Variants in ARMC1 observed in about 807,000 individuals in gnomAD.
The protein encoded by ARMC1 is armadillo repeat-containing protein 1.
A neutral mutation model predicts 31.4 loss-of-function variants in ARMC1; 16 were observed. The ratio of observed to expected loss-of-function variants is 0.51; its 90% CI spans 0.34 to 0.77. The LOEUF is 0.77. ARMC1 is among the 30% of genes least tolerant of loss of function. The pLI is 0.01. For synonymous variants in ARMC1, 114 were observed against 118.9 expected (o/e 0.96, Z 0.27); for missense variants, 259 against 347.5 (o/e 0.75, Z 2.02).
chr8:65,628,014 T>TAG (rs1236008227), intron 1 of ARMC1, among the ~76,000 whole-genome samples: 1 of 152,206 alleles, frequency 6.6e-6, no homozygotes, highest in African/African-American at 2.4e-5. Context: ...TGAATCTAAA[T>TAG]ACCTCTGTCC....
chr8:65,615,844 G>A (rs934840735), intron 3 of ARMC1, among the ~76,000 whole-genome samples: 1 of 151,934 alleles, frequency 6.6e-6, no homozygotes, highest in Admixed American at 6.6e-5. Flanking sequence ...GCAGTGGGCC[G>A]AGATCATGCC....
Position 65,608,581 on chromosome 8 carries a change from G to T in ARMC1, c.466-3043C>A, listed in dbSNP as rs969390905. ...ACCTAGTCCAAAAAATGTTGACTAA[G>T]CTAAAGTTACATAGGTAGAGTAAAC... On this transcript the variant is annotated intron_variant, in intron 4 of 6. Transcript: ENST00000276569. Among the ~76,000 whole-genome samples, 9 of 152,036 alleles carry T rather than the reference G, an allele frequency of 5.9e-5. 1 individual carries two copies. Among genetic ancestry groups the T allele is most frequent in the South Asian group, 2.1e-4 (1 of 4,812 alleles).
chr8:65,605,001 GATTA>G lies in ARMC1; in HGVS notation c.657+258_657+261del, dbSNP rs1807972168. On this transcript the variant is annotated intron_variant, in intron 6 of 6. Coordinates refer to ENST00000276569, the MANE Select transcript of ARMC1 (RefSeq NM_018120.6). ...ACACCTTTATTTTTTGGATTGTCAG[GATTA>G]GTTAAGATTAGGAAGAAAGTATTTA... 1.3e-5 allele frequency among the ~76,000 whole-genome samples: 2 copies of G among 152,162 alleles called. 1 individual carries two copies. The highest frequency in any genetic ancestry group is 2.9e-5 in the Non-Finnish European group (2 of 68,020).
At chr8:65,612,880 TAAATA>T (rs1396240978) in intron 4 of ARMC1, among the ~76,000 whole-genome samples, 2 of 151,902 alleles carry the variant, frequency 1.3e-5, no homozygotes, top group African/African-American at 2.4e-5. Context: ...TATAAAAAAA[TAAATA>T]AAATAAAATA....
chr8:65,631,908 T>G lies in ARMC1; in HGVS notation c.-36+2090A>C, dbSNP rs569023063. 2.2e-5 allele frequency among the ~76,000 whole-genome samples: 3 copies of G among 135,976 alleles called. No homozygotes were observed. The South Asian group carries it at 7.5e-4, about 34-fold the overall frequency. The allele number at this position is 135,976 out of a possible 152,430, so 89.2% of individuals were successfully genotyped here. On this transcript the variant is annotated intron_variant, in intron 1 of 6. Transcript: ENST00000276569. ...TAAAAAAAAAAAAAAAAAGTCTATC[T>G]TCATAGGTTGGAAAAAATGATTTTA...
intron 1 of ARMC1, among the ~76,000 whole-genome samples, chr8:65,632,591 C>A (rs1808669587): frequency 6.6e-6 from 1 of 152,024 alleles, no homozygotes; most frequent in South Asian, 2.1e-4. Context: ...CCAGCCTGGG[C>A]AACAGAGCGA....
intron 4 of ARMC1, among the ~76,000 whole-genome samples, chr8:65,612,920 G>C (rs1808172798): frequency 1.3e-5 from 2 of 152,034 alleles, no homozygotes; most frequent in South Asian, 4.2e-4. Flanking sequence ...TTGGTTGATA[G>C]CATTATTTGA....
chr8:65,611,290 A>G (rs1274418004), intron 4 of ARMC1, among the ~76,000 whole-genome samples: 1 of 152,054 alleles, frequency 6.6e-6, no homozygotes, highest in African/African-American at 2.4e-5. Flanking sequence ...CTCATTTCTG[A>G]TATTGATAAT....
chr8:65,606,231 T>G (rs1335317002), intron 4 of ARMC1, among the ~76,000 whole-genome samples: 1 of 151,592 alleles, frequency 6.6e-6, no homozygotes, highest in African/African-American at 2.4e-5. Context: ...CATGGTGGCG[T>G]GTGCCTGTAG....
intron 2 of ARMC1, among the ~76,000 whole-genome samples, chr8:65,626,925 G>A (rs1292255128): frequency 6.6e-6 from 1 of 151,862 alleles, no homozygotes; most frequent in South Asian, 2.1e-4. Flanking sequence ...TGAGGTCGGG[G>A]GGATGGTTTA....
intron 3 of ARMC1, among the ~76,000 whole-genome samples, chr8:65,616,448 A>G (rs952791561): frequency 1.1e-4 from 16 of 152,206 alleles, no homozygotes; most frequent in Non-Finnish European, 2.1e-4. Context: ...AATGGTGCCC[A>G]GGCTGGAGTG....
rs566676789 is a variant in ARMC1, at chr8:65,605,672, C to T, written c.466-134G>A. Reference sequence around the variant, plus strand: ...AGTTTTACCATCTTATTTCAGGGCACAGAGTGGGGGAGTGCTTAGTCAAAT... The same window carrying T: ...AGTTTTACCATCTTATTTCAGGGCATAGAGTGGGGGAGTGCTTAGTCAAAT... On this transcript the variant is annotated intron_variant, in intron 4 of 6. Coordinates refer to ENST00000276569, the MANE Select transcript of ARMC1 (RefSeq NM_018120.6). 9 of 675,388 alleles carry T rather than the reference C, an allele frequency of 1.3e-5. No homozygotes were observed. In the African/African-American group the frequency reaches 1.4e-4, roughly 11 times the overall value. The allele number at this position is 675,388 out of a possible 1,614,324, so 41.8% of individuals were successfully genotyped here.
At chr8:65,620,329 T>A (rs1396854159) in intron 3 of ARMC1, among the ~76,000 whole-genome samples, 1 of 141,626 alleles carries the variant, frequency 7.1e-6, no homozygotes, top group Non-Finnish European at 1.5e-5. Context: ...TGAGAGGGAA[T>A]CTCATTCTGT....
intron 3 of ARMC1, among the ~76,000 whole-genome samples, chr8:65,616,326 G>A: frequency 6.6e-6 from 1 of 152,164 alleles, no homozygotes; most frequent in African/African-American, 2.4e-5. Flanking sequence ...GTGGAGAGGG[G>A]GTTTCGCTGT....
intron 2 of ARMC1, among the ~76,000 whole-genome samples, chr8:65,623,786 C>CTTTTTTTTTTTTTTTTTT (rs201008780): frequency 1.2e-4 from 3 of 26,086 alleles, no homozygotes; most frequent in East Asian, 1.1e-3. Flanking sequence ...AAAGTAAAAT[C>CTTTTTTTTTTTTTTTTTT]TTTTTTTTTT....
chr8:65,622,460 G>T, intron 2 of ARMC1, 106 bp from the exon 3 acceptor site: 1 of 830,438 alleles, frequency 1.2e-6, no homozygotes, highest in Non-Finnish European at 1.9e-6. Flanking sequence ...ATAGGTTTTT[G>T]TTTTTAGAAT....
chr8:65,622,427 G>T (rs1165787151), intron 2 of ARMC1, 73 bp from the exon 3 acceptor site: 1 of 1,176,520 alleles, frequency 8.5e-7, no homozygotes, highest in Non-Finnish European at 1.2e-6. Flanking sequence ...CTAATTTACT[G>T]CAAGAAAACA....
intron 3 of ARMC1, among the ~76,000 whole-genome samples, chr8:65,617,382 G>A (rs949908344): frequency 5.9e-5 from 9 of 152,124 alleles, no homozygotes; most frequent in African/African-American, 1.7e-4. Context: ...GATTAAGGGC[G>A]GTGCAAGATG....
chr8:65,627,503 G>T, intron 1 of ARMC1, 70 bp from the exon 2 acceptor site: 2 of 816,574 alleles, frequency 2.4e-6, no homozygotes, highest in Non-Finnish European at 3.5e-6. Flanking sequence ...AAATAACCAG[G>T]ATTACAACAC....
Sources: allele counts gnomAD v4.1 joint callset (sites outside exome capture counted in the v4.1 genomes callset), GRCh38; gene constraint gnomAD v4.1.1; transcripts MANE v1.5; gene names NCBI Gene and HGNC (gene_info 2026-07-23, HGNC 2026-07-21).